CADM2: variants seen among roughly 807,000 people sequenced by gnomAD.
CADM2 encodes cell adhesion molecule 2, also known as immunoglobulin superfamily member 4D.
CADM2 carries 12 observed loss-of-function variants against 49.8 expected under a neutral mutation model. The observed-to-expected ratio is 0.24, with a 90% confidence interval of 0.15 to 0.39. The LOEUF is 0.39. Among genes scored for constraint, CADM2 ranks in the 10% least tolerant of loss-of-function variants. The probability of loss-of-function intolerance (pLI) is 1.00; values close to 1 mark genes in which losing one functional copy is unlikely to be tolerated. For synonymous variants in CADM2, 214 were observed against 175.4 expected (o/e 1.22, Z -1.74); for missense variants, 378 against 492.3 (o/e 0.77, Z 2.20).
At chr3:85,057,774 A>C (rs1231171135) in intron 1 of CADM2, among the ~76,000 whole-genome samples, 1 of 152,168 alleles carries the variant, frequency 6.6e-6, no homozygotes, top group Non-Finnish European at 1.5e-5. Context: ...TCTATTACAC[A>C]ATAACTGAAG....
At chr3:85,995,650 A>G (rs1439790064) in intron 8 of CADM2, among the ~76,000 whole-genome samples, 2 of 152,226 alleles carry the variant, frequency 1.3e-5, no homozygotes, top group Non-Finnish European at 2.9e-5. Flanking sequence ...AGCCTAAAAT[A>G]TTATTCTCCT....
At chr3:85,565,235 A>G (rs2062222870) in intron 1 of CADM2, among the ~76,000 whole-genome samples, 1 of 152,060 alleles carries the variant, frequency 6.6e-6, no homozygotes, top group East Asian at 1.9e-4. Flanking sequence ...AAGAAAAAAA[A>G]TACTTTGAAA....
chr3:85,021,016 C>T (rs902610189), intron 1 of CADM2, among the ~76,000 whole-genome samples: 2 of 150,302 alleles, frequency 1.3e-5, no homozygotes, highest in Non-Finnish European at 3.0e-5. Context: ...CTTTGGGAGG[C>T]CAAGGTGGGA....
intron 1 of CADM2, among the ~76,000 whole-genome samples, chr3:85,540,379 T>G (rs1022211951): frequency 6.6e-6 from 1 of 152,178 alleles, no homozygotes; most frequent in African/African-American, 2.4e-5. Flanking sequence ...TGTCAGTAGA[T>G]AAACATACAA....
intron 1 of CADM2, among the ~76,000 whole-genome samples, chr3:85,027,138 G>T: frequency 5.8e-5 from 1 of 17,356 alleles, no homozygotes; most frequent in Admixed American, 6.7e-4. Context: ...TTTTTAAGAC[G>T]GAGTCTCGCT....
chr3:85,493,928 A>G (rs544777128), intron 1 of CADM2, among the ~76,000 whole-genome samples: 25 of 152,296 alleles, frequency 1.6e-4, no homozygotes, highest in African/African-American at 5.8e-4. Context: ...AATACTTATG[A>G]CATATTTTAT....
intron 8 of CADM2, among the ~76,000 whole-genome samples, chr3:86,007,395 A>G (rs1730926943): frequency 1.3e-5 from 2 of 152,126 alleles, no homozygotes; most frequent in African/African-American, 4.8e-5. Context: ...ACTGGGGAAA[A>G]TGTTAATAGG....
At chr3:85,358,224 T>C (rs186535613) in intron 1 of CADM2, among the ~76,000 whole-genome samples, 1 of 152,198 alleles carries the variant, frequency 6.6e-6, no homozygotes, top group East Asian at 1.9e-4. Context: ...ATCAAACATG[T>C]CTGCAGACAT....
At chr3:85,734,108 G>A (rs1689116669) in intron 2 of CADM2, among the ~76,000 whole-genome samples, 1 of 151,992 alleles carries the variant, frequency 6.6e-6, no homozygotes, top group South Asian at 2.1e-4. Flanking sequence ...ATGGAATTAT[G>A]GTTACATATT....
At chr3:85,948,647 T>C (rs1438185072) in intron 7 of CADM2, among the ~76,000 whole-genome samples, 1 of 151,382 alleles carries the variant, frequency 6.6e-6, no homozygotes, top group African/African-American at 2.4e-5. Context: ...TTACAATATG[T>C]TTGTAACCTC....
intron 1 of CADM2, among the ~76,000 whole-genome samples, chr3:85,685,682 G>C (rs941724400): frequency 1.4e-5 from 2 of 145,420 alleles, no homozygotes; most frequent in African/African-American, 5.1e-5. Flanking sequence ...GGAGTGCAGT[G>C]GTGTGATCTC....
chr3:86,066,332 C>CAAAAAAAAAAA (rs10663610), intron 9 of CADM2, among the ~76,000 whole-genome samples: 363 of 30,354 alleles, frequency 0.012, 81 homozygotes, highest in African/African-American at 0.034. Flanking sequence ...GACTCCGTCT[C>CAAAAAAAAAAA]AAAAAAAAAA....
intron 8 of CADM2, among the ~76,000 whole-genome samples, chr3:86,004,931 C>G (rs1318893524): frequency 6.6e-6 from 1 of 152,138 alleles, no homozygotes; most frequent in Non-Finnish European, 1.5e-5. Context: ...CTACAGAAGG[C>G]CTTTCAGTTT....
intron 1 of CADM2, among the ~76,000 whole-genome samples, chr3:85,551,218 G>A (rs1216400735): frequency 6.6e-6 from 1 of 152,110 alleles, no homozygotes; most frequent in Non-Finnish European, 1.5e-5. Flanking sequence ...TTGGGCTCAA[G>A]GGATCCTCCA....
intron 1 of CADM2, among the ~76,000 whole-genome samples, chr3:85,123,235 TG>T (rs1271001158): frequency 6.6e-6 from 1 of 152,144 alleles, no homozygotes; most frequent in Non-Finnish European, 1.5e-5. Context: ...AACTTCATAG[TG>T]ACATCACAAC....
intron 1 of CADM2, among the ~76,000 whole-genome samples, chr3:85,524,573 T>C (rs78691969): frequency 2.0e-4 from 30 of 152,286 alleles, no homozygotes; most frequent in African/African-American, 6.5e-4. Flanking sequence ...CATAAATGTT[T>C]TACAGGTACT....
chr3:85,064,277 AC>A (rs1349215924), intron 1 of CADM2, among the ~76,000 whole-genome samples: 1 of 152,058 alleles, frequency 6.6e-6, no homozygotes, highest in African/African-American at 2.4e-5. Context: ...GTTTTGAGAT[AC>A]CCTTTAAAGA....
In CADM2 at chr3:85,579,162, G is replaced by C. The variant is rs578207609; in HGVS notation, c.62-147360G>C. On this transcript the variant is annotated intron_variant, in intron 1 of 9. Coordinates refer to ENST00000383699, the MANE Select transcript of CADM2 (RefSeq NM_001167675.2). ...GCAAGATATTTGTATAAGTAGATTT[G>C]AGCAAATAAATTTGAGTCATGAACT... Among the ~76,000 whole-genome samples the C allele has an allele frequency of 3.3e-5, 5 of 152,210 alleles. No homozygotes were observed. The South Asian group carries it at 8.3e-4, about 25-fold the overall frequency.
chr3:85,369,492 G>A (rs536861661), intron 1 of CADM2, among the ~76,000 whole-genome samples: 8 of 152,080 alleles, frequency 5.3e-5, no homozygotes, highest in Non-Finnish European at 1.0e-4. Context: ...ATTTCGGCTG[G>A]GCTCAGTGGC....
Sources: allele counts gnomAD v4.1 joint callset (sites outside exome capture counted in the v4.1 genomes callset), GRCh38; gene constraint gnomAD v4.1.1; transcripts MANE v1.5; gene names NCBI Gene and HGNC (gene_info 2026-07-23, HGNC 2026-07-21).